Variants in GPC6 observed in about 807,000 individuals in gnomAD.
GPC6 encodes glypican 6, also known as glypican-6.
GPC6 carries 14 observed loss-of-function variants against 55.2 expected under a neutral mutation model. That is an observed-to-expected ratio of 0.25 (90% CI 0.17 to 0.40). The LOEUF is 0.40. GPC6 is among the 10% of genes least tolerant of loss of function. The pLI is 1.00. For missense variants in GPC6, 641 were observed against 708.5 expected, an observed-to-expected ratio of 0.90 and a Z score of 1.08; for synonymous variants, 278 against 259.6, an observed-to-expected ratio of 1.07 and a Z score of -0.68.
At chr13:94,114,436 G>GT (rs1471004472) in intron 4 of GPC6, among the ~76,000 whole-genome samples, 2 of 152,096 alleles carry the variant, frequency 1.3e-5, no homozygotes, top group Non-Finnish European at 2.9e-5. Flanking sequence ...TATTCAACAG[G>GT]AAACAGTTTT....
intron 1 of GPC6, among the ~76,000 whole-genome samples, chr13:93,366,097 C>A (rs1046251445): frequency 8.5e-5 from 13 of 152,168 alleles, no homozygotes; most frequent in African/African-American, 3.1e-4. Context: ...TTGTATGCAG[C>A]AGAACACAAT....
At chr13:93,228,103 C>T (rs1875871026) in intron 1 of GPC6, among the ~76,000 whole-genome samples, 1 of 152,126 alleles carries the variant, frequency 6.6e-6, no homozygotes. Flanking sequence ...GCGGAGGGCT[C>T]CCCCAGCCCC....
At chr13:94,100,529 C>T (rs1022371685) in intron 4 of GPC6, among the ~76,000 whole-genome samples, 1 of 152,210 alleles carries the variant, frequency 6.6e-6, no homozygotes, top group South Asian at 2.1e-4. Context: ...TATCAGCCCA[C>T]ATCTCCCAGT....
At chr13:94,197,854 A>G (rs1400559457) in intron 4 of GPC6, among the ~76,000 whole-genome samples, 1 of 151,780 alleles carries the variant, frequency 6.6e-6, no homozygotes, top group Non-Finnish European at 1.5e-5. Context: ...TTACCAAGAA[A>G]CGTAACACTT....
rs543069329 is a variant in GPC6 at position 93,983,493 on chromosome 13, T to C, written c.712-44236T>C. On this transcript the variant is annotated intron_variant, in intron 3 of 8. Coordinates refer to ENST00000377047, the MANE Select transcript of GPC6 (RefSeq NM_005708.5). ...CTCTGTTGGTCAAGCTGGAGTGCAA[T>C]GGTGCTGTCACAGCTCACTGCAGCC... Among the ~76,000 whole-genome samples, 10 of 152,138 alleles carry C rather than the reference T, an allele frequency of 6.6e-5. No individual in the cohort carries two copies. In the South Asian group the frequency reaches 2.1e-3, roughly 32 times the overall value.
the GPC6 span, among the ~76,000 whole-genome samples, chr13:93,220,042 C>T: frequency 1.3e-5 from 2 of 152,096 alleles, no homozygotes; most frequent in Non-Finnish European, 2.9e-5. Context: ...ATGGGTTTTC[C>T]CGTAAAATAT....
At chr13:93,898,584 A>G (rs1457838516) in intron 3 of GPC6, among the ~76,000 whole-genome samples, 1 of 152,190 alleles carries the variant, frequency 6.6e-6, no homozygotes, top group Non-Finnish European at 1.5e-5. Context: ...CCAGCAGCAT[A>G]TCAAACCAAT....
intron 2 of GPC6, among the ~76,000 whole-genome samples, chr13:93,750,976 C>CA (rs1406797468): frequency 1.3e-5 from 2 of 152,190 alleles, no homozygotes; most frequent in South Asian, 2.1e-4. Flanking sequence ...CCTCTGGAGA[C>CA]AAAACCAGTG....
At chr13:93,572,589 T>C (rs1876461246) in intron 2 of GPC6, among the ~76,000 whole-genome samples, 1 of 152,164 alleles carries the variant, frequency 6.6e-6, no homozygotes, top group African/African-American at 2.4e-5. Context: ...ATAGAATTCT[T>C]AAGCTTCAAG....
At chr13:93,468,413 G>A (rs1040761402) in intron 1 of GPC6, among the ~76,000 whole-genome samples, 5 of 150,484 alleles carry the variant, frequency 3.3e-5, no homozygotes, top group African/African-American at 4.9e-5. Flanking sequence ...AATTCATTGT[G>A]TAAAGCATCC....
chr13:93,781,696 A>G (rs1374021329), intron 2 of GPC6, among the ~76,000 whole-genome samples: 1 of 152,224 alleles, frequency 6.6e-6, no homozygotes. Flanking sequence ...GAGCCATGAT[A>G]TTAGATGTAG....
intron 2 of GPC6, among the ~76,000 whole-genome samples, chr13:93,583,554 G>A (rs1431158308): frequency 1.3e-5 from 2 of 152,000 alleles, no homozygotes; most frequent in African/African-American, 2.4e-5. Flanking sequence ...GAGTAGTTGG[G>A]TACAGGCGCC....
At chr13:93,223,073 T>C (rs1875664533), upstream of GPC6, among the ~76,000 whole-genome samples, 1 of 133,604 alleles carries the variant, frequency 7.5e-6, no homozygotes, top group Admixed American at 9.0e-5. Context: ...TGGCTAGAAA[T>C]GGGTCTTACA....
chr13:93,994,257 A>C (rs1295239763), intron 3 of GPC6, among the ~76,000 whole-genome samples: 1 of 152,170 alleles, frequency 6.6e-6, no homozygotes, highest in African/African-American at 2.4e-5. Context: ...ATTCTTGGTA[A>C]GGTTTATTGC....
intron 2 of GPC6, among the ~76,000 whole-genome samples, chr13:93,798,464 A>C (rs7995468): frequency 0.67 from 101,684 of 151,914 alleles, 34,655 homozygotes; most frequent in East Asian, 0.81. Context: ...TGTCCAATTC[A>C]GTTAGATTTT....
intron 4 of GPC6, among the ~76,000 whole-genome samples, chr13:94,280,654 T>C (rs1892352370): frequency 6.6e-6 from 1 of 152,230 alleles, no homozygotes; most frequent in Admixed American, 6.5e-5. Context: ...AATGAGTGCA[T>C]TTATCACAGT....
At chr13:93,243,115 C>CA (rs1326220691) in intron 1 of GPC6, among the ~76,000 whole-genome samples, 2 of 152,066 alleles carry the variant, frequency 1.3e-5, no homozygotes, top group African/African-American at 4.8e-5. Flanking sequence ...CTCATGGTGG[C>CA]AAAAAAGCTC....
chr13:94,184,448 A>C (rs1030743492), intron 4 of GPC6, among the ~76,000 whole-genome samples: 1 of 152,152 alleles, frequency 6.6e-6, no homozygotes, highest in Admixed American at 6.5e-5. Flanking sequence ...ATAAGCAAAA[A>C]ACAAATAACC....
intron 4 of GPC6, among the ~76,000 whole-genome samples, chr13:94,172,665 A>G (rs1201824422): frequency 6.6e-6 from 1 of 152,230 alleles, no homozygotes; most frequent in Non-Finnish European, 1.5e-5. Context: ...CTGGCTCTTT[A>G]CATTAAAATG....
Sources: allele counts gnomAD v4.1 joint callset (sites outside exome capture counted in the v4.1 genomes callset), GRCh38; gene constraint gnomAD v4.1.1; transcripts MANE v1.5; gene names NCBI Gene and HGNC (gene_info 2026-07-23, HGNC 2026-07-21).